The following RMST variants were observed in gnomAD, a reference collection of about 807,000 sequenced individuals.
RMST encodes the protein rhabdomyosarcoma 2 associated transcript, also known as long intergenic non-protein coding RNA 54.
chr12:97,496,474 T>A (rs139709940), intron 10 of RMST, among the ~76,000 whole-genome samples: 103 of 152,312 alleles, frequency 6.8e-4, no homozygotes, highest in African/African-American at 1.7e-3. Context: ...ATTTTACGTG[T>A]CATTATTTGC....
At chr12:97,484,418 T>A (rs2136431013) in intron 5 of RMST, among the ~76,000 whole-genome samples, 1 of 152,356 alleles carries the variant, frequency 6.6e-6, no homozygotes, top group Non-Finnish European at 1.5e-5. Context: ...TCTACCATCC[T>A]ACAATAATTG....
At chr12:97,494,009 G>A (rs964672604) in intron 8 of RMST, 4 of 152,204 alleles carry the variant, frequency 2.6e-5, no homozygotes, top group Non-Finnish European at 4.4e-5. Flanking sequence ...TAAGGTAAGA[G>A]ATTTATTGTG....
intron 6 of RMST, chr12:97,492,723 A>G (rs1459286926): frequency 2.0e-5 from 3 of 152,334 alleles, no homozygotes; most frequent in African/African-American, 2.4e-5. Context: ...TTTTAATGCT[A>G]TAAAATGCAC....
At chr12:97,478,166 T>C (rs1302940094) in intron 5 of RMST, among the ~76,000 whole-genome samples, 1 of 152,236 alleles carries the variant, frequency 6.6e-6, no homozygotes, top group Non-Finnish European at 1.5e-5. Context: ...ATTGTGTAAT[T>C]CAAATGAGCT....
intron 11 of RMST, among the ~76,000 whole-genome samples, chr12:97,545,608 G>GT (rs930903453): frequency 1.3e-5 from 2 of 152,070 alleles, no homozygotes; most frequent in African/African-American, 4.8e-5. Context: ...AGCACTCTCA[G>GT]TTTTTGGCTT....
intron 10 of RMST, among the ~76,000 whole-genome samples, chr12:97,519,567 T>G (rs940179942): frequency 6.6e-6 from 1 of 152,176 alleles, no homozygotes; most frequent in Non-Finnish European, 1.5e-5. Flanking sequence ...AATCGTATAA[T>G]TTTTTCCCCA....
chr12:97,512,137 T>C (rs1007547815), intron 10 of RMST, among the ~76,000 whole-genome samples: 7 of 152,170 alleles, frequency 4.6e-5, no homozygotes, highest in African/African-American at 1.7e-4. Flanking sequence ...GGCGGATTCG[T>C]GGTCTCGCTG....
chr12:97,538,315 T>A (rs886687798), intron 11 of RMST, among the ~76,000 whole-genome samples: 2 of 151,458 alleles, frequency 1.3e-5, no homozygotes, highest in African/African-American at 4.8e-5. Flanking sequence ...TTTTAAAGTG[T>A]TAACAGCCTT....
intron 11 of RMST, among the ~76,000 whole-genome samples, chr12:97,550,688 T>C (rs1411743117): frequency 1.3e-5 from 2 of 152,184 alleles, no homozygotes; most frequent in African/African-American, 4.8e-5. Context: ...TTATTCTTAG[T>C]GCAATTGGAA....
intron 5 of RMST, chr12:97,483,624 G>T (rs1159488538): frequency 6.6e-6 from 1 of 152,142 alleles, no homozygotes; most frequent in Non-Finnish European, 1.5e-5. Flanking sequence ...TGTTCTCTAT[G>T]TGGAGGTGTT....
intron 11 of RMST, among the ~76,000 whole-genome samples, chr12:97,550,448 C>T (rs1883231692): frequency 6.6e-6 from 1 of 151,950 alleles, no homozygotes; most frequent in African/African-American, 2.4e-5. Flanking sequence ...GAAATAATGT[C>T]CATAGTGTCC....
intron 11 of RMST, among the ~76,000 whole-genome samples, chr12:97,547,282 C>G (rs1883011941): frequency 6.6e-6 from 1 of 151,738 alleles, no homozygotes; most frequent in Non-Finnish European, 1.5e-5. Flanking sequence ...ATCCATCCAT[C>G]TGTTGATGAA....
At chr12:97,499,751 C>T (rs1877881142) in intron 10 of RMST, among the ~76,000 whole-genome samples, 1 of 151,396 alleles carries the variant, frequency 6.6e-6, no homozygotes. Context: ...CTTCCACCTC[C>T]CAGGTTCAAG....
chr12:97,536,783 T>C (rs761264457), intron 11 of RMST, among the ~76,000 whole-genome samples: 1 of 151,508 alleles, frequency 6.6e-6, no homozygotes, highest in Non-Finnish European at 1.5e-5. Flanking sequence ...AGATTATTCT[T>C]ATATCTACTT....
intron 10 of RMST, among the ~76,000 whole-genome samples, chr12:97,499,043 T>TC (rs1877775636): frequency 6.6e-6 from 1 of 152,184 alleles, no homozygotes; most frequent in Non-Finnish European, 1.5e-5. Flanking sequence ...GCTGGGGCTG[T>TC]CTATGGGGTT....
At chr12:97,523,366 A>T (rs1880709125) in intron 10 of RMST, among the ~76,000 whole-genome samples, 1 of 152,214 alleles carries the variant, frequency 6.6e-6, no homozygotes, top group Non-Finnish European at 1.5e-5. Flanking sequence ...GGGAGAGATT[A>T]GTCAAGGGGG....
Position 97,511,150 on chromosome 12 carries a change from C to CT in RMST, n.1340+15110dup, listed in dbSNP as rs200176181. 8.7e-3 allele frequency among the ~76,000 whole-genome samples: 1,221 copies of CT among 139,872 alleles called. 17 individuals are homozygous for CT. The highest frequency in any genetic ancestry group is 0.023 in the African/African-American group (872 of 38,434). The allele number at this position is 139,872 out of a possible 152,430, so 91.8% of individuals were successfully genotyped here. A position where few individuals can be genotyped will look rare whatever the true frequency, so the allele number is the denominator to read the frequency against. On this transcript the variant is annotated intron_variant and non_coding_transcript_variant, in intron 10 of 13. Coordinates refer to ENST00000640149, the Ensembl canonical transcript of RMST. ...ACTCTCTGGGAAATTGTACTTCCTT[C>CT]TTTTTTTTTTTTTTTTGAGATGGCG... is the stretch of plus-strand genomic sequence containing the variant.
At chr12:97,562,724 G>A (rs1450959217) in intron 13 of RMST, among the ~76,000 whole-genome samples, 1 of 152,118 alleles carries the variant, frequency 6.6e-6, no homozygotes, top group African/African-American at 2.4e-5. Context: ...TCATTTGCAT[G>A]TTTTCTGCAT....
chr12:97,479,337 A>G (rs552367283), intron 5 of RMST, among the ~76,000 whole-genome samples: 1 of 151,650 alleles, frequency 6.6e-6, no homozygotes, highest in South Asian at 2.1e-4. Flanking sequence ...TTTTTTGTAG[A>G]GATGGGGGTC....
Sources: gnomAD v4.1 joint callset for allele counts (sites outside exome capture counted in the v4.1 genomes callset) on GRCh38, gnomAD v4.1.1 for gene constraint, MANE v1.5 for transcripts, NCBI Gene and HGNC (gene_info 2026-07-23, HGNC 2026-07-21) for gene names.